The following GK5 variants were observed in gnomAD, a reference collection of about 807,000 sequenced individuals.
GK5 encodes the protein ATP:glycerol 3-phosphotransferase 5.
In GK5, 39 loss-of-function variants were observed where a neutral mutation model predicts 77.3. The ratio of observed to expected loss-of-function variants is 0.50; its 90% CI spans 0.39 to 0.66. The LOEUF (loss-of-function observed/expected upper bound fraction) is 0.66, where lower values mean the gene tolerates loss of function less well. Among genes scored for constraint, GK5 ranks in the 30% least tolerant of loss-of-function variants. GK5 has a pLI of 0.00. For synonymous variants in GK5, 211 were observed against 208.0 expected (o/e 1.01, Z -0.13); for missense variants, 487 against 633.8 (o/e 0.77, Z 2.49).
chr3:142,196,878 A>C (rs1386025863), intron 5 of GK5, among the ~76,000 whole-genome samples: 1 of 152,130 alleles, frequency 6.6e-6, no homozygotes, highest in Non-Finnish European at 1.5e-5. Flanking sequence ...TCTTCTGTCT[A>C]GTTATTCTAT....
chr3:142,166,192 A>C (rs1356184771), intron 15 of GK5, among the ~76,000 whole-genome samples: 1 of 152,164 alleles, frequency 6.6e-6, no homozygotes, highest in Non-Finnish European at 1.5e-5. Flanking sequence ...GGCTGCAGTG[A>C]GCTATGATTA....
intron 3 of GK5, among the ~76,000 whole-genome samples, chr3:142,206,962 A>C (rs976324526): frequency 6.6e-6 from 1 of 152,228 alleles, no homozygotes; most frequent in African/African-American, 2.4e-5. Flanking sequence ...AGACCCCCTG[A>C]AACTATGGCT....
At chr3:142,210,499 GC>G (rs1411429762) in intron 3 of GK5, among the ~76,000 whole-genome samples, 3 of 152,040 alleles carry the variant, frequency 2.0e-5, no homozygotes, top group African/African-American at 7.3e-5. Context: ...AGCAGAATAG[GC>G]TCCGCTCCAT....
At chr3:142,177,857 CTTTTTTTTT>C (rs370889965) in intron 11 of GK5, among the ~76,000 whole-genome samples, 1 of 128,194 alleles carries the variant, frequency 7.8e-6, no homozygotes, top group African/African-American at 3.0e-5. Context: ...CGTTTTTTTT[CTTTTTTTTT>C]TTTTTTTTTG....
chr3:142,158,540 T>A lies in GK5; in HGVS notation c.*7082A>T, dbSNP rs1039350176. ...TACTGTGGATCCTTGATTTTTTGTATAGATCTTAACAATGATTTATGAGGT... is the reference window on the plus strand; with the variant it reads ...TACTGTGGATCCTTGATTTTTTGTAAAGATCTTAACAATGATTTATGAGGT... On this transcript the variant is annotated 3_prime_UTR_variant, in exon 16 of 16. Coordinates refer to ENST00000392993, the MANE Select transcript of GK5 (RefSeq NM_001039547.3). 6.6e-6 allele frequency: 1 copy of A among 152,654 alleles called. No homozygotes were observed. Among genetic ancestry groups the A allele is most frequent in the African/African-American group, 2.4e-5 (1 of 41,454 alleles). 9.5% of individuals were successfully genotyped at this position (152,654 alleles called of 1,614,324 possible). A position where few individuals can be genotyped will look rare whatever the true frequency, so the allele number is the denominator to read the frequency against.
At chr3:142,169,151 G>A (rs2063506436) in intron 15 of GK5, among the ~76,000 whole-genome samples, 1 of 152,150 alleles carries the variant, frequency 6.6e-6, no homozygotes, top group Non-Finnish European at 1.5e-5. Context: ...TGTAGCAGGT[G>A]CTCCACAAAC....
intron 5 of GK5, among the ~76,000 whole-genome samples, chr3:142,196,117 C>T (rs891391371): frequency 1.1e-4 from 17 of 152,170 alleles, no homozygotes; most frequent in South Asian, 2.1e-4. Context: ...TTGGCATGCA[C>T]TTGTTCATGG....
At chr3:142,199,704 TTACAAAAAGCCTTAGGTA>T (rs2063989035) in intron 4 of GK5, among the ~76,000 whole-genome samples, 1 of 151,732 alleles carries the variant, frequency 6.6e-6, no homozygotes, top group African/African-American at 2.4e-5. Flanking sequence ...AATCTTTAAT[TTACAAAAAGCCTTAGGTA>T]TACAGAAAAC....
intron 1 of GK5, among the ~76,000 whole-genome samples, chr3:142,217,997 A>G (rs771938875): frequency 2.0e-5 from 3 of 151,970 alleles, no homozygotes; most frequent in Non-Finnish European, 4.4e-5. Flanking sequence ...AAAAAGAATA[A>G]AGTTAGAGGC....
Position 142,197,986 on chromosome 3 carries a change from C to T in GK5, c.543+816G>A, listed in dbSNP as rs527487795. 2.4e-4 allele frequency among the ~76,000 whole-genome samples: 36 copies of T among 150,316 alleles called. No homozygotes were observed. In the South Asian group the frequency reaches 5.7e-3, roughly 24 times the overall value. On this transcript the variant is annotated intron_variant, in intron 5 of 15. Coordinates refer to ENST00000392993, the MANE Select transcript of GK5 (RefSeq NM_001039547.3). ...TACAGTGAGCTGAGATCGCACATTG[C>T]ACTCCAGCCTGGGTGACAGGGTGAG...
intron 9 of GK5, among the ~76,000 whole-genome samples, chr3:142,184,532 T>C (rs925992160): frequency 2.6e-5 from 4 of 152,128 alleles, no homozygotes; most frequent in African/African-American, 7.2e-5. Context: ...AATGTAGATA[T>C]ACAAACAGCA....
intron 11 of GK5, among the ~76,000 whole-genome samples, chr3:142,180,950 C>G (rs1463260409): frequency 5.9e-5 from 9 of 152,168 alleles, no homozygotes; most frequent in African/African-American, 1.9e-4. Flanking sequence ...AAACCACCCC[C>G]CAGACTGACC....
intron 5 of GK5, among the ~76,000 whole-genome samples, chr3:142,195,327 G>C (rs1359727623): frequency 6.6e-6 from 1 of 151,820 alleles, no homozygotes; most frequent in Non-Finnish European, 1.5e-5. Flanking sequence ...ATATTTTGTT[G>C]AAGTTTTGTG....
At chr3:142,186,633 T>C in intron 6 of GK5, 120 bp from the exon 7 acceptor site, 14 of 345,612 alleles carry the variant, frequency 4.1e-5, no homozygotes, top group Admixed American at 1.0e-4. Context: ...GTATTTTCTT[T>C]TTTTTTTTTT....
At position 142,159,015 on chromosome 3, in the gene GK5, GACTGA is replaced by G. The variant is rs2063403353; in HGVS notation, c.*6602_*6606del. 6.6e-6 allele frequency: 1 copy of G among 152,114 alleles called. No homozygotes were observed. The highest frequency in any genetic ancestry group is 2.4e-5 in the African/African-American group (1 of 41,426). The allele number at this position is 152,114 out of a possible 1,614,324, so 9.4% of individuals were successfully genotyped here. On this transcript the variant is annotated 3_prime_UTR_variant, in exon 16 of 16. Coordinates refer to ENST00000392993, the MANE Select transcript of GK5 (RefSeq NM_001039547.3). ...TCCCACATAATCACATAAACCACTG[GACTGA>G]CTTTTAAAAACTTTAAAAAAGATAT...
At chr3:142,186,109 A>G (rs2063766117) in intron 8 of GK5, 85 bp downstream of exon 8, 2 of 1,164,792 alleles carry the variant, frequency 1.7e-6, no homozygotes, top group Admixed American at 3.7e-5. Context: ...AGTCCTTCAA[A>G]CATGTAATAA....
At chr3:142,220,934 A>C (rs2064337787) in intron 1 of GK5, among the ~76,000 whole-genome samples, 1 of 152,150 alleles carries the variant, frequency 6.6e-6, no homozygotes, top group Non-Finnish European at 1.5e-5. Context: ...GCCCCTCCCT[A>C]ACCTGGCAGA....
At chr3:142,197,978 G>A (rs115645129) in intron 5 of GK5, among the ~76,000 whole-genome samples, 17,613 of 149,752 alleles carry the variant, frequency 0.12, 1,243 homozygotes, top group Admixed American at 0.17. Context: ...AGCTGAGATC[G>A]CACATTGCAC....
Position 142,187,729 on chromosome 3 carries a change from G to T in GK5, c.594C>A (p.Thr198=). The part of the protein sequence containing the change: ...EENCCFGTID[T]WLLYKLTKGS... ...CTTTTGTGAGCTTATATAACAACCA[G>T]GTATCAATAGTCCCAAAGCAGCAAT... Residue 198 remains threonine, a synonymous_variant, in exon 6 of 16, where the codon ACC becomes ACA. Transcript: ENST00000392993. The T allele has an allele frequency of 6.2e-7, 1 of 1,611,874 alleles. No individual in the cohort carries two copies. Among genetic ancestry groups the T allele is most frequent in the Non-Finnish European group, 8.5e-7 (1 of 1,178,964 alleles).
Sources: allele counts gnomAD v4.1 joint callset (sites outside exome capture counted in the v4.1 genomes callset), GRCh38; gene constraint gnomAD v4.1.1; transcripts MANE v1.5; gene names NCBI Gene and HGNC (gene_info 2026-07-23, HGNC 2026-07-21).